Variants in CUL2 observed in about 807,000 individuals in gnomAD.
CUL2 encodes the protein cullin 2.
In CUL2, 22 loss-of-function variants were observed where a neutral mutation model predicts 110.2. That is an observed-to-expected ratio of 0.20 (90% CI 0.14 to 0.28). CUL2 has a LOEUF of 0.28. Ranked by LOEUF, CUL2 falls within the 10% of genes least tolerant of loss-of-function variation. CUL2 has a pLI of 1.00. For synonymous variants in CUL2, 279 were observed against 293.2 expected (o/e 0.95, Z 0.49); for missense variants, 631 against 905.5 (o/e 0.70, Z 3.89).
intron 17 of CUL2, among the ~76,000 whole-genome samples, chr10:35,017,223 C>A (rs1394251316): frequency 2.6e-5 from 4 of 152,102 alleles, no homozygotes; most frequent in South Asian, 4.1e-4. Context: ...TCATAAACAA[C>A]ATTTTTCTTT....
chr10:35,096,141 A>G (rs561336214), intron 2 of CUL2, among the ~76,000 whole-genome samples: 32 of 152,012 alleles, frequency 2.1e-4, no homozygotes, highest in Admixed American at 2.0e-3. Context: ...CCAGCTACTC[A>G]GGAGGCTGAG....
At position 35,013,804 on chromosome 10, in the gene CUL2, C is replaced by T. The variant is rs753533886; in HGVS notation, c.1888-4G>A. On this transcript the variant is annotated splice_polypyrimidine_tract_variant and splice_region_variant and intron_variant, in intron 18 of 20. Transcript: ENST00000374749. ...AAGATTCTGCATCAATATCTTCCTA[C>T]ATTTAAAAATAAAACATTTATATTT... 2.1e-6 allele frequency: 3 copies of T among 1,440,698 alleles called. No homozygotes were observed. The highest frequency in any genetic ancestry group is 2.8e-6 in the Non-Finnish European group (3 of 1,075,858). The allele number at this position is 1,440,698 out of a possible 1,614,324, so 89.2% of individuals were successfully genotyped here. A position where few individuals can be genotyped will look rare whatever the true frequency, so the allele number is the denominator to read the frequency against.
intron 10 of CUL2, among the ~76,000 whole-genome samples, chr10:35,033,822 T>G (rs1455630387): frequency 6.6e-6 from 1 of 150,824 alleles, no homozygotes; most frequent in Non-Finnish European, 1.5e-5. Context: ...TCATAGACTG[T>G]CTAGTACCTG....
At chr10:35,021,295 C>T (rs550734589) in intron 17 of CUL2, among the ~76,000 whole-genome samples, 2 of 150,066 alleles carry the variant, frequency 1.3e-5, no homozygotes, top group Admixed American at 1.3e-4. Flanking sequence ...CTTGCTCTGT[C>T]GCCCAGGCTG....
At chr10:35,114,931 G>T (rs1446072437) in intron 1 of CUL2, among the ~76,000 whole-genome samples, 2 of 152,118 alleles carry the variant, frequency 1.3e-5, no homozygotes, top group African/African-American at 2.4e-5. Flanking sequence ...GCACAAAGAA[G>T]CTGGGTGCAG....
At chr10:35,088,150 G>A (rs1018263297) in intron 1 of CUL2, among the ~76,000 whole-genome samples, 10 of 152,130 alleles carry the variant, frequency 6.6e-5, no homozygotes, top group Admixed American at 2.0e-4. Context: ...TATTCTCTGA[G>A]ATTATTTCTT....
chr10:35,023,103 T>C (rs184441773), intron 17 of CUL2, among the ~76,000 whole-genome samples: 11 of 152,320 alleles, frequency 7.2e-5, no homozygotes, highest in African/African-American at 1.9e-4. Flanking sequence ...AGATGTTAAA[T>C]GCTCTCACCA....
intron 1 of CUL2, among the ~76,000 whole-genome samples, chr10:35,084,247 AG>A (rs1208512198): frequency 1.9e-4 from 29 of 152,346 alleles, no homozygotes; most frequent in African/African-American, 6.7e-4. Context: ...ACTGCACTAC[AG>A]CTTGGGTGAC....
In CUL2 at chr10:35,009,015, C is replaced by T. The variant is rs2084827877; in HGVS notation, c.*1296G>A. 1 of 151,650 alleles carries T rather than the reference C, an allele frequency of 6.6e-6. No homozygotes were observed. Among genetic ancestry groups the T allele is most frequent in the African/African-American group, 2.4e-5 (1 of 41,256 alleles). The allele number at this position is 151,650 out of a possible 1,614,324, so 9.4% of individuals were successfully genotyped here. A position where few individuals can be genotyped will look rare whatever the true frequency, so the allele number is the denominator to read the frequency against. ...AGACAGAGATAGGATTGCTTGAGGC[C>T]AGAAGTTCCAGACTAGCCTGGGAAA... On this transcript the variant is annotated 3_prime_UTR_variant, in exon 21 of 21. Coordinates refer to ENST00000374749, the MANE Select transcript of CUL2 (RefSeq NM_003591.4).
upstream of CUL2, among the ~76,000 whole-genome samples, chr10:35,092,893 C>CAAACA (rs369064157): frequency 1.3e-5 from 2 of 151,802 alleles, no homozygotes; most frequent in Non-Finnish European, 2.9e-5. Context: ...AGGCATATTT[C>CAAACA]TATTAATATA....
chr10:35,010,450 A>G lies in CUL2; in HGVS notation c.2107-8T>C. 6.3e-7 allele frequency: 1 copy of G among 1,598,568 alleles called. No individual in the cohort carries two copies. The highest frequency in any genetic ancestry group is 8.5e-7 in the Non-Finnish European group (1 of 1,172,090). On this transcript the variant is annotated splice_region_variant and splice_polypyrimidine_tract_variant and intron_variant, in intron 20 of 20. Coordinates refer to ENST00000374749, the MANE Select transcript of CUL2 (RefSeq NM_003591.4). ...TCTTGACTGGCTAATCACCTGTGGA[A>G]GAGATGTGGAAGTCAAACTACTGCC...
intron 14 of CUL2, among the ~76,000 whole-genome samples, chr10:35,029,957 A>G (rs1291906494): frequency 6.6e-6 from 1 of 152,212 alleles, no homozygotes; most frequent in Admixed American, 6.5e-5. Context: ...ACTATACATA[A>G]GATACCTTAA....
At chr10:35,102,410 AG>A (rs1305145315) in intron 1 of CUL2, among the ~76,000 whole-genome samples, 2 of 151,848 alleles carry the variant, frequency 1.3e-5, no homozygotes, top group African/African-American at 4.8e-5. Flanking sequence ...TGTCTCCACT[AG>A]AAATACAAAA....
At chr10:35,102,157 T>C (rs2087388839) in intron 1 of CUL2, among the ~76,000 whole-genome samples, 1 of 152,012 alleles carries the variant, frequency 6.6e-6, no homozygotes. Flanking sequence ...GGAGAATCGC[T>C]TGAACCCGGG....
At chr10:35,060,734 A>G (rs1471144072) in intron 4 of CUL2, 140 bp downstream of exon 4, 2 of 663,552 alleles carry the variant, frequency 3.0e-6, no homozygotes, top group Non-Finnish European at 5.0e-6. Context: ...CTTTCCCCAC[A>G]GCAGAGAAAA....
chr10:35,073,096 G>A (rs1317930784), intron 1 of CUL2, among the ~76,000 whole-genome samples: 1 of 152,100 alleles, frequency 6.6e-6, no homozygotes, highest in Non-Finnish European at 1.5e-5. Context: ...TAGACTCCAT[G>A]GAAAAGAATG....
intron 7 of CUL2, 48 bp from the exon 8 acceptor site, chr10:35,044,724 T>G (rs577779048): frequency 1.3e-6 from 2 of 1,582,742 alleles, no homozygotes; most frequent in Admixed American, 3.4e-5. Flanking sequence ...AACAAGCAGT[T>G]TAAGAAATTA....
intron 1 of CUL2, among the ~76,000 whole-genome samples, chr10:35,122,521 A>C (rs540209887): frequency 6.6e-6 from 1 of 152,370 alleles, no homozygotes; most frequent in Non-Finnish European, 1.5e-5. Flanking sequence ...ATTATAGTTT[A>C]CATTTATTTA....
rs1048868678 is a variant in CUL2 at position 35,039,277 on chromosome 10, A to G, written c.715-195T>C. ...TTATTTAAGCTACTAGCTGTCATCT[A>G]CATTCCACCAGTCTTATAAGCAAGA... On this transcript the variant is annotated intron_variant, in intron 8 of 20. Coordinates refer to ENST00000374749, the MANE Select transcript of CUL2 (RefSeq NM_003591.4). Among the ~76,000 whole-genome samples, 48 of 152,318 alleles carry G rather than the reference A, an allele frequency of 3.2e-4. 1 individual carries two copies. The highest frequency in any genetic ancestry group is 3.1e-3 in the Admixed American group (48 of 15,294).
Sources: gnomAD v4.1 joint callset for allele counts (sites outside exome capture counted in the v4.1 genomes callset) on GRCh38, gnomAD v4.1.1 for gene constraint, MANE v1.5 for transcripts, NCBI Gene and HGNC (gene_info 2026-07-23, HGNC 2026-07-21) for gene names.